PLEKHG4B: variants seen among roughly 807,000 people sequenced by gnomAD.
PLEKHG4B encodes the protein pleckstrin homology and RhoGEF domain containing G4B, also known as pleckstrin homology domain-containing family G member 4B.
PLEKHG4B carries 111 observed loss-of-function variants against 121.3 expected under a neutral mutation model. The ratio of observed to expected loss-of-function variants is 0.92; its 90% CI spans 0.78 to 1.07. The LOEUF (loss-of-function observed/expected upper bound fraction) is 1.07, where lower values mean the gene tolerates loss of function less well. Among genes scored for constraint, PLEKHG4B ranks in the 50% least tolerant of loss-of-function variants. The probability of loss-of-function intolerance (pLI) is 0.00; values close to 1 mark genes in which losing one functional copy is unlikely to be tolerated. For missense variants in PLEKHG4B, 1,831 were observed against 1,757.8 expected (o/e 1.04, Z -0.74); for synonymous variants, 738 against 725.0 (o/e 1.02, Z -0.29).
intron 3 of PLEKHG4B, among the ~76,000 whole-genome samples, chr5:142,206 C>T (rs532934874): frequency 4.3e-4 from 66 of 152,170 alleles, no homozygotes; most frequent in Non-Finnish European, 7.3e-4. Context: ...CTAACCCCTC[C>T]CCGTGGTTTC....
At position 161,931 on chromosome 5, in the gene PLEKHG4B, A is replaced by G. The variant is rs1192849845; in HGVS notation, c.2636A>G (p.Glu879Gly). ...GELARWTRSSELCETVSSWMG... is the reference protein window; with the variant it reads ...GELARWTRSSGLCETVSSWMG... ...CTGGCCAGGTGGACCCGCTCGTCCG[A>G]GTTGTGCGAGACGGTAAGAGACCCA... The change falls in exon 12 of 20, where the codon GAG becomes GGG. Residue 879 changes from glutamate to glycine, a missense_variant. By Grantham distance (98) the Glu-to-Gly change is moderately conservative. Coordinates refer to ENST00000637938, the MANE Select transcript of PLEKHG4B (RefSeq NM_052909.5). 1 of 1,611,722 alleles carries G rather than the reference A, an allele frequency of 6.2e-7. No homozygotes were observed. The highest frequency in any genetic ancestry group is 8.5e-7 in the Non-Finnish European group (1 of 1,179,458).
rs1029823527 is a variant in PLEKHG4B at position 143,273 on chromosome 5, G to A, written c.1687+17G>A. 6.2e-7 allele frequency: 1 copy of A among 1,609,528 alleles called. No individual in the cohort carries two copies. The highest frequency in any genetic ancestry group is 1.3e-5 in the African/African-American group (1 of 75,058). ...CCCTCCCAGGTGAGAGCACATGCCA[G>A]GCTCTCCTGTCAGGGCGGATCTGAC... On this transcript the variant is annotated intron_variant, in intron 4 of 19. Coordinates refer to ENST00000637938, the MANE Select transcript of PLEKHG4B (RefSeq NM_052909.5).
At chr5:102,044 A>G (rs1733833583) in intron 1 of PLEKHG4B, among the ~76,000 whole-genome samples, 1 of 98,936 alleles carries the variant, frequency 1.0e-5, no homozygotes, top group Non-Finnish European at 2.0e-5. Context: ...AAAAGTCTGT[A>G]GGGGAGAGAC....
At chr5:146,343 G>A (rs544689212) in intron 6 of PLEKHG4B, among the ~76,000 whole-genome samples, 6 of 114,690 alleles carry the variant, frequency 5.2e-5, no homozygotes, top group Admixed American at 9.2e-5. Context: ...CCTCCTCCAT[G>A]GTCCTCCCTC....
chr5:130,746 G>A lies in PLEKHG4B; in HGVS notation c.244-8737G>A, dbSNP rs114946231. On this transcript the variant is annotated intron_variant, in intron 2 of 19. Transcript: ENST00000637938. Reference sequence around the variant, plus strand: ...TGTGTTGAAACAACTTGAGTGCACCGCTTAGAGAAGACATCAAAATGAGAG... The same window carrying A: ...TGTGTTGAAACAACTTGAGTGCACCACTTAGAGAAGACATCAAAATGAGAG... Among the ~76,000 whole-genome samples the A allele has an allele frequency of 8.4e-3, 1,276 of 152,278 alleles. 23 individuals are homozygous for A. Among genetic ancestry groups the A allele is most frequent in the African/African-American group, 0.029 (1,213 of 41,554 alleles).
At chr5:130,033 T>G (rs1734732728) in intron 2 of PLEKHG4B, among the ~76,000 whole-genome samples, 1 of 150,820 alleles carries the variant, frequency 6.6e-6, no homozygotes, top group Non-Finnish European at 1.5e-5. Context: ...AAGACCACAT[T>G]AAATCCAGAT....
chr5:163,905 T>C (rs1437587877), intron 13 of PLEKHG4B, among the ~76,000 whole-genome samples: 1 of 152,200 alleles, frequency 6.6e-6, no homozygotes, highest in African/African-American at 2.4e-5. Context: ...AAAATAACTT[T>C]TAAAAAGTCT....
chr5:163,742 G>C (rs1487752509), intron 13 of PLEKHG4B, among the ~76,000 whole-genome samples, 194 bp downstream of exon 13: 1 of 152,162 alleles, frequency 6.6e-6, no homozygotes, highest in African/African-American at 2.4e-5. Context: ...TGTCCGGAAG[G>C]GACCACTGAA....
intron 5 of PLEKHG4B, among the ~76,000 whole-genome samples, chr5:143,763 C>A (rs1175466988): frequency 1.3e-5 from 2 of 152,250 alleles, no homozygotes; most frequent in Middle Eastern, 3.2e-3. Context: ...CACACTCACT[C>A]TTTGGACCAG....
In PLEKHG4B at chr5:165,277, C is replaced by T. The variant is rs1478834583; in HGVS notation, c.3476+1729C>T. ...GGGGCGGGGCTCACTAATGCTCTGA[C>T]GGGGCGGGGCTCACACTAACGCTCT... On this transcript the variant is annotated intron_variant, in intron 13 of 19. Coordinates refer to ENST00000637938, the MANE Select transcript of PLEKHG4B (RefSeq NM_052909.5). 1.6e-4 allele frequency among the ~76,000 whole-genome samples: 4 copies of T among 24,320 alleles called. 1 individual carries two copies. The highest frequency in any genetic ancestry group is 6.9e-4 in the African/African-American group (4 of 5,828). 16.0% of individuals were successfully genotyped at this position (24,320 alleles called of 152,430 possible).
At chr5:96,713 C>T (rs1320477937) in intron 1 of PLEKHG4B, among the ~76,000 whole-genome samples, 1 of 152,148 alleles carries the variant, frequency 6.6e-6, no homozygotes, top group Non-Finnish European at 1.5e-5. Context: ...CAGAGAATCA[C>T]AGTGACCACT....
intron 13 of PLEKHG4B, among the ~76,000 whole-genome samples, chr5:164,861 G>A (rs568714694): frequency 9.9e-4 from 100 of 100,630 alleles, no homozygotes; most frequent in African/African-American, 3.5e-3. Flanking sequence ...CAGGGGGCGG[G>A]GCTCACAGTA....
intron 1 of PLEKHG4B, among the ~76,000 whole-genome samples, chr5:97,509 T>C (rs1247520355): frequency 1.3e-5 from 2 of 152,252 alleles, no homozygotes; most frequent in Non-Finnish European, 2.9e-5. Context: ...TCTATGGATT[T>C]ATCTATTCCG....
At position 184,252 on chromosome 5, in the gene PLEKHG4B, C is replaced by G. The variant is rs1224565738; in HGVS notation, c.*1929C>G. Reference sequence around the variant, plus strand: ...CTGGTATAAGTCTGAGTCCATAGACCCAGTGAACTCCAAACACAAGAGATA... The same window carrying G: ...CTGGTATAAGTCTGAGTCCATAGACGCAGTGAACTCCAAACACAAGAGATA... On this transcript the variant is annotated 3_prime_UTR_variant, in exon 20 of 20. Coordinates refer to ENST00000637938, the MANE Select transcript of PLEKHG4B (RefSeq NM_052909.5). 5.9e-5 allele frequency: 9 copies of G among 152,128 alleles called. No individual in the cohort carries two copies. Among genetic ancestry groups the G allele is most frequent in the Non-Finnish European group, 1.5e-5 (1 of 68,018 alleles). 9.4% of individuals were successfully genotyped at this position (152,128 alleles called of 1,614,324 possible).
chr5:181,112 A>C lies in PLEKHG4B; in HGVS notation c.4403-402A>C, dbSNP rs1736917790. 2.0e-5 allele frequency among the ~76,000 whole-genome samples: 3 copies of C among 152,104 alleles called. No homozygotes were observed. In the South Asian group the frequency reaches 6.2e-4, roughly 32 times the overall value. On this transcript the variant is annotated intron_variant, in intron 18 of 19. Coordinates refer to ENST00000637938, the MANE Select transcript of PLEKHG4B (RefSeq NM_052909.5). ...TCACCTTATGCTTAGCTCTCCTCTC[A>C]ATATTCAAACTCCTAGAAACCTGTT...
chr5:123,694 T>G lies in PLEKHG4B; in HGVS notation c.243+10246T>G, dbSNP rs958590437. 1.1e-4 allele frequency among the ~76,000 whole-genome samples: 17 copies of G among 152,306 alleles called. No individual in the cohort carries two copies. The Middle Eastern group carries it at 0.014, about 122-fold the overall frequency. On this transcript the variant is annotated intron_variant, in intron 2 of 19. Transcript: ENST00000637938. ...CATAATCCTTTTTATTTCTGTAGAA[T>G]CAGTAGTAAGTAATATCCCCTCTTT...
At position 159,501 on chromosome 5, in the gene PLEKHG4B, CCTCTAA is replaced by C. The variant is rs544988055; in HGVS notation, c.2488-2276_2488-2271del. On this transcript the variant is annotated intron_variant, in intron 11 of 19. Transcript: ENST00000637938. The surrounding 1 kb of genome is among the most constrained non-coding windows in gnomAD (Gnocchi z 5.5). ...TAAGGTAGATTTTTCTCAGCTTTAC[CCTCTAA>C]CTCTATTATTGAGTTTTTTGTTTCT... Among the ~76,000 whole-genome samples the C allele has an allele frequency of 4.6e-5, 7 of 152,224 alleles. No individual in the cohort carries two copies. In the South Asian group the frequency reaches 1.0e-3, roughly 23 times the overall value.
intron 2 of PLEKHG4B, among the ~76,000 whole-genome samples, chr5:117,017 T>C (rs1734326052): frequency 6.6e-6 from 1 of 152,208 alleles, no homozygotes. Context: ...CTGTTTCACC[T>C]TCTTTCTGTG....
At chr5:111,330 A>G (rs1446750955) in intron 1 of PLEKHG4B, among the ~76,000 whole-genome samples, 2 of 152,222 alleles carry the variant, frequency 1.3e-5, no homozygotes, top group African/African-American at 2.4e-5. Flanking sequence ...GAGTGGCCCC[A>G]GTGGGAGTCA....
Sources: allele counts gnomAD v4.1 joint callset (sites outside exome capture counted in the v4.1 genomes callset), GRCh38; gene constraint gnomAD v4.1.1; non-coding constraint Gnocchi (gnomAD v3.1); transcripts MANE v1.5; gene names NCBI Gene and HGNC (gene_info 2026-07-23, HGNC 2026-07-21).